The following MLLT3 variants were observed in gnomAD, a reference collection of about 807,000 sequenced individuals.
The protein encoded by MLLT3 is MLLT3 super elongation complex subunit.
Under a neutral mutation model 53.2 loss-of-function variants are expected in MLLT3, and 4 were observed. The observed-to-expected ratio is 0.08, with a 90% CI of 0.04 to 0.17. The LOEUF is 0.17. MLLT3 is among the 10% of genes least tolerant of loss of function. The pLI, the probability that MLLT3 is intolerant of heterozygous loss-of-function variation, is 1.00. For synonymous variants in MLLT3, 283 were observed against 230.6 expected (o/e 1.23, Z -2.06); for missense variants, 569 against 684.0 (o/e 0.83, Z 1.87).
chr9:20,433,077 C>G (rs974073431), intron 4 of MLLT3, among the ~76,000 whole-genome samples: 1 of 151,940 alleles, frequency 6.6e-6, no homozygotes, highest in East Asian at 1.9e-4. Context: ...AGTCCAAAAG[C>G]TCTTATGTCG....
chr9:20,456,182 G>A (rs1013015897), intron 3 of MLLT3, among the ~76,000 whole-genome samples: 10 of 151,840 alleles, frequency 6.6e-5, no homozygotes, highest in Non-Finnish European at 7.4e-5. Context: ...CAAGTGATCC[G>A]CCCGCCTCGG....
chr9:20,398,113 T>C (rs1054036017), intron 5 of MLLT3, among the ~76,000 whole-genome samples: 11 of 152,154 alleles, frequency 7.2e-5, no homozygotes, highest in South Asian at 4.1e-4. Flanking sequence ...TTTTAATTTT[T>C]TTTTATTTTT....
intron 2 of MLLT3, among the ~76,000 whole-genome samples, chr9:20,609,550 A>G (rs1432196457): frequency 6.6e-6 from 1 of 152,090 alleles, no homozygotes; most frequent in East Asian, 1.9e-4. Context: ...ATTTTATGTA[A>G]AAGACAAAAA....
chr9:20,350,568 C>A (rs1313639298), intron 10 of MLLT3, among the ~76,000 whole-genome samples: 1 of 136,552 alleles, frequency 7.3e-6, no homozygotes, highest in East Asian at 2.2e-4. Flanking sequence ...GCACTCCAGC[C>A]TGGGCGACAG....
intron 2 of MLLT3, among the ~76,000 whole-genome samples, chr9:20,511,806 A>T (rs1459441495): frequency 1.3e-5 from 2 of 152,164 alleles, no homozygotes; most frequent in Non-Finnish European, 2.9e-5. Flanking sequence ...CCTCTTCAGC[A>T]AGTAAAGCTT....
intron 2 of MLLT3, among the ~76,000 whole-genome samples, chr9:20,611,008 A>C (rs1490016682): frequency 1.3e-5 from 2 of 152,272 alleles, no homozygotes; most frequent in Middle Eastern, 3.4e-3. Flanking sequence ...AATAAGTAAA[A>C]TGAAGGAAAA....
intron 2 of MLLT3, among the ~76,000 whole-genome samples, chr9:20,543,596 C>G (rs768869570): frequency 4.6e-5 from 7 of 151,530 alleles, no homozygotes; most frequent in Non-Finnish European, 2.9e-5. Flanking sequence ...GGGCTATGAT[C>G]GTGCCGGTAT....
intron 5 of MLLT3, among the ~76,000 whole-genome samples, chr9:20,405,122 C>A (rs1822548854): frequency 6.6e-6 from 1 of 152,102 alleles, no homozygotes; most frequent in Non-Finnish European, 1.5e-5. Context: ...TATGAAACAA[C>A]CTAATAACAT....
intron 4 of MLLT3, among the ~76,000 whole-genome samples, chr9:20,441,469 T>C (rs1261688458): frequency 1.3e-5 from 2 of 152,152 alleles, no homozygotes; most frequent in Non-Finnish European, 2.9e-5. Context: ...TATGTTCCAC[T>C]TTCATAACTT....
At chr9:20,515,218 T>C (rs935383230) in intron 2 of MLLT3, among the ~76,000 whole-genome samples, 3 of 152,082 alleles carry the variant, frequency 2.0e-5, no homozygotes, top group African/African-American at 7.2e-5. Flanking sequence ...AGTGCTGGGA[T>C]TACAGGCGTG....
chr9:20,458,327 G>C (rs919160155), intron 2 of MLLT3, among the ~76,000 whole-genome samples: 1 of 152,162 alleles, frequency 6.6e-6, no homozygotes. Flanking sequence ...AGAAGATAGA[G>C]TGTCAAGGGC....
chr9:20,441,698 A>G (rs1212822742), intron 4 of MLLT3, among the ~76,000 whole-genome samples: 1 of 152,150 alleles, frequency 6.6e-6, no homozygotes, highest in Non-Finnish European at 1.5e-5. Flanking sequence ...AATTATATAT[A>G]TCAGAAAATA....
rs1487762841 is a variant in MLLT3, at chr9:20,445,393, C to T, written c.420+2730G>A. ...TGAGACTATTTAGGAAATAGTATGACATTGAAATTAAAAACAAAATCCAGT... is the reference window on the plus strand; with the variant it reads ...TGAGACTATTTAGGAAATAGTATGATATTGAAATTAAAAACAAAATCCAGT... On this transcript the variant is annotated intron_variant, in intron 4 of 10. Coordinates refer to ENST00000380338, the MANE Select transcript of MLLT3 (RefSeq NM_004529.4). 3.9e-5 allele frequency among the ~76,000 whole-genome samples: 6 copies of T among 152,056 alleles called. No homozygotes were observed. In the East Asian group the frequency reaches 9.6e-4, roughly 24 times the overall value.
intron 2 of MLLT3, among the ~76,000 whole-genome samples, chr9:20,528,966 A>C (rs1044116438): frequency 6.6e-6 from 1 of 152,216 alleles, no homozygotes; most frequent in Non-Finnish European, 1.5e-5. Context: ...GTACTGTATG[A>C]AAGTTCAGAG....
intron 5 of MLLT3, among the ~76,000 whole-genome samples, chr9:20,381,997 A>C (rs1307300413): frequency 6.6e-6 from 1 of 151,880 alleles, no homozygotes; most frequent in Non-Finnish European, 1.5e-5. Flanking sequence ...TGCACTTAAA[A>C]ATTCACTGGT....
chr9:20,384,646 C>T (rs1403467400), intron 5 of MLLT3, among the ~76,000 whole-genome samples: 1 of 152,044 alleles, frequency 6.6e-6, no homozygotes, highest in African/African-American at 2.4e-5. Context: ...ATCAACACGA[C>T]AGTCAAATTA....
At chr9:20,368,097 G>A (rs1206601753) in intron 5 of MLLT3, among the ~76,000 whole-genome samples, 1 of 152,212 alleles carries the variant, frequency 6.6e-6, no homozygotes, top group Non-Finnish European at 1.5e-5. Context: ...CTTGAGTACT[G>A]TAGCACAATG....
At chr9:20,556,207 C>A (rs1404036998) in intron 2 of MLLT3, among the ~76,000 whole-genome samples, 1 of 151,936 alleles carries the variant, frequency 6.6e-6, no homozygotes, top group Non-Finnish European at 1.5e-5. Context: ...GTAATATAAT[C>A]ATGTTATTTT....
chr9:20,364,522 C>T (rs1821401975), intron 6 of MLLT3, among the ~76,000 whole-genome samples: 1 of 152,106 alleles, frequency 6.6e-6, no homozygotes, highest in Non-Finnish European at 1.5e-5. Flanking sequence ...TCCTAAAGTC[C>T]CATCTATGAC....
Sources: allele counts gnomAD v4.1 joint callset (sites outside exome capture counted in the v4.1 genomes callset), GRCh38; gene constraint gnomAD v4.1.1; transcripts MANE v1.5; gene names NCBI Gene and HGNC (gene_info 2026-07-23, HGNC 2026-07-21).